The following UMAD1 variants were observed in gnomAD, a reference collection of about 807,000 sequenced individuals.
UMAD1 encodes UBAP1-MVB12-associated (UMA)-domain containing protein 1.
A neutral mutation model predicts 6.1 loss-of-function variants in UMAD1; 8 were observed. That is an observed-to-expected ratio of 1.30 (90% CI 0.76 to 2.35). The LOEUF is 2.35. UMAD1 is among the 30% of genes most tolerant of loss of function. The pLI is 0.00. For synonymous variants in UMAD1, 56 were observed against 31.4 expected (o/e 1.78, Z -2.61); for missense variants, 130 against 78.4 (o/e 1.66, Z -2.49).
intron 2 of UMAD1, among the ~76,000 whole-genome samples, chr7:7,755,998 A>G (rs989991880): frequency 2.6e-5 from 4 of 152,380 alleles, no homozygotes; most frequent in Non-Finnish European, 5.9e-5. Context: ...CAAGTAAACC[A>G]CATTGCTTGG....
chr7:7,749,937 A>G (rs998203906), intron 2 of UMAD1, among the ~76,000 whole-genome samples: 5 of 152,152 alleles, frequency 3.3e-5, no homozygotes, highest in East Asian at 3.8e-4. Context: ...TCTTTCACCA[A>G]TGTTATTCAG....
intron 2 of UMAD1, among the ~76,000 whole-genome samples, chr7:7,681,238 T>TC (rs1024175335): frequency 6.6e-6 from 1 of 152,142 alleles, no homozygotes; most frequent in African/African-American, 2.4e-5. Flanking sequence ...TCTATTTTTT[T>TC]CCACTTGAGA....
chr7:7,690,843 T>G (rs536045374), intron 2 of UMAD1, among the ~76,000 whole-genome samples: 1 of 152,228 alleles, frequency 6.6e-6, no homozygotes, highest in Non-Finnish European at 1.5e-5. Flanking sequence ...AAAGTTGGGT[T>G]AAATTTTCAC....
rs925633987 is a variant in UMAD1 at position 7,789,273 on chromosome 7, G to GA, written c.83-12389dup. 1.6e-4 allele frequency among the ~76,000 whole-genome samples: 24 copies of GA among 151,302 alleles called. No homozygotes were observed. The East Asian group carries it at 3.7e-3, about 23-fold the overall frequency. On this transcript the variant is annotated intron_variant, in intron 2 of 3. Coordinates refer to ENST00000682710, the MANE Select transcript of UMAD1 (RefSeq NM_001302348.2). ...GCCGTAACCAATTCTATGGCTGAGA[G>GA]AAAAAAAACACATTTCCCTCGCATG...
At position 7,644,365 on chromosome 7, in the gene UMAD1, T is replaced by A. The variant is rs749302572; in HGVS notation, c.-64+3544T>A. Among the ~76,000 whole-genome samples the A allele has an allele frequency of 1.6e-4, 24 of 152,064 alleles. No individual in the cohort carries two copies. The East Asian group carries it at 2.1e-3, about 13-fold the overall frequency. ...TCCTTCATTCCATCCTTTTTTTTTT[T>A]TTATTAGGAAGACCTCTTTTAATAT... On this transcript the variant is annotated intron_variant, in intron 1 of 3. Transcript: ENST00000682710.
intron 1 of UMAD1, among the ~76,000 whole-genome samples, chr7:7,650,825 T>C (rs1378748713): frequency 6.6e-6 from 1 of 152,220 alleles, no homozygotes; most frequent in Non-Finnish European, 1.5e-5. Flanking sequence ...CTCCTTGGCA[T>C]GGCATATAAG....
intron 2 of UMAD1, among the ~76,000 whole-genome samples, chr7:7,752,084 AT>A (rs1209176340): frequency 1.3e-5 from 2 of 152,184 alleles, no homozygotes; most frequent in African/African-American, 4.8e-5. Flanking sequence ...TTATTTTCTC[AT>A]TTTTGCACTT....
intron 1 of UMAD1, among the ~76,000 whole-genome samples, chr7:7,648,878 G>C (rs951004857): frequency 7.3e-5 from 11 of 151,594 alleles, no homozygotes; most frequent in Admixed American, 3.3e-4. Context: ...AAAAAAAAAG[G>C]CCGGGCGCGG....
chr7:7,718,697 G>C (rs1266691777), intron 2 of UMAD1: 1 of 152,036 alleles, frequency 6.6e-6, no homozygotes, highest in Admixed American at 6.6e-5. Flanking sequence ...CATCATTCTT[G>C]ACAGATGGCA....
intron 2 of UMAD1, among the ~76,000 whole-genome samples, chr7:7,782,573 G>T (rs1441347309): frequency 6.6e-6 from 1 of 151,304 alleles, no homozygotes; most frequent in East Asian, 1.9e-4. Flanking sequence ...AAATTGTAGG[G>T]TTATTTTTTT....
rs547881495 is a variant in UMAD1 at position 7,813,115 on chromosome 7, G to GA, written c.156+11380dup. Reference sequence around the variant, plus strand: ...ATGAGTGCACCAGCATGAATACATAGAAAAAAAATTATACTTTAGCTTAGT... The same window carrying GA: ...ATGAGTGCACCAGCATGAATACATAGAAAAAAAAATTATACTTTAGCTTAGT... On this transcript the variant is annotated intron_variant, in intron 3 of 3. Coordinates refer to ENST00000682710, the MANE Select transcript of UMAD1 (RefSeq NM_001302348.2). 6.6e-5 allele frequency among the ~76,000 whole-genome samples: 10 copies of GA among 152,052 alleles called. No individual in the cohort carries two copies. In the South Asian group the frequency reaches 2.1e-3, roughly 32 times the overall value.
chr7:7,841,111 T>C (rs1255629507), intron 3 of UMAD1, among the ~76,000 whole-genome samples: 1 of 152,194 alleles, frequency 6.6e-6, no homozygotes, highest in Admixed American at 6.5e-5. Flanking sequence ...AACATTCTAA[T>C]ATTTTATTTT....
In UMAD1 at chr7:7,739,129, T is replaced by C. The variant is rs1781413422; in HGVS notation, c.83-62541T>C. ...CACTTAATTGTTACCTAAGTATACT[T>C]TAAGTAGCTTAGATTAATGTATTTT... On this transcript the variant is annotated intron_variant, in intron 2 of 3. Coordinates refer to ENST00000682710, the MANE Select transcript of UMAD1 (RefSeq NM_001302348.2). The C allele has an allele frequency of 2.0e-5, 3 of 152,238 alleles. No individual in the cohort carries two copies. The South Asian group carries it at 6.2e-4, about 32-fold the overall frequency. 9.4% of individuals were successfully genotyped at this position (152,238 alleles called of 1,614,324 possible).
chr7:7,664,385 A>G (rs747690135), intron 1 of UMAD1, among the ~76,000 whole-genome samples: 8 of 152,112 alleles, frequency 5.3e-5, no homozygotes, highest in Non-Finnish European at 8.8e-5. Flanking sequence ...TCTCTCTTAA[A>G]TACTTTGCTC....
chr7:7,767,234 C>T (rs1301100668), intron 2 of UMAD1, among the ~76,000 whole-genome samples: 2 of 151,314 alleles, frequency 1.3e-5, no homozygotes, highest in Non-Finnish European at 2.9e-5. Flanking sequence ...ACGCCATTCT[C>T]CTGCCTCAGC....
intron 2 of UMAD1, chr7:7,675,958 C>A: frequency 2.6e-6 from 1 of 390,942 alleles, no homozygotes; most frequent in East Asian, 3.6e-5. Flanking sequence ...TCACCATTTT[C>A]ATAAAATCCT....
At chr7:7,695,482 T>C (rs1236628235) in intron 2 of UMAD1, among the ~76,000 whole-genome samples, 5 of 152,212 alleles carry the variant, frequency 3.3e-5, no homozygotes, top group Admixed American at 3.3e-4. Flanking sequence ...TTATTACATG[T>C]TTCTCAACCA....
At chr7:7,705,497 G>A (rs1430024087) in intron 2 of UMAD1, among the ~76,000 whole-genome samples, 3 of 152,134 alleles carry the variant, frequency 2.0e-5, no homozygotes, top group Non-Finnish European at 4.4e-5. Flanking sequence ...TATTCAGTGT[G>A]TTATTACAAA....
intron 3 of UMAD1, among the ~76,000 whole-genome samples, chr7:7,837,253 A>G (rs150482807): frequency 2.2e-4 from 34 of 152,198 alleles, no homozygotes; most frequent in African/African-American, 7.7e-4. Flanking sequence ...TTTTTCAGAT[A>G]TATAAAACCT....
Sources: allele counts gnomAD v4.1 joint callset (sites outside exome capture counted in the v4.1 genomes callset), GRCh38; gene constraint gnomAD v4.1.1; transcripts MANE v1.5; gene names NCBI Gene and HGNC (gene_info 2026-07-23, HGNC 2026-07-21).